SPRYD3: variants seen among roughly 807,000 people sequenced by gnomAD.
The protein encoded by SPRYD3 is SPRY domain-containing protein 3.
A neutral mutation model predicts 50.1 loss-of-function variants in SPRYD3; 17 were observed. The ratio of observed to expected loss-of-function variants is 0.34; its 90% CI spans 0.23 to 0.51. SPRYD3 has a LOEUF of 0.51. Ranked by LOEUF, SPRYD3 falls within the 20% of genes least tolerant of loss-of-function variation. SPRYD3 has a pLI of 0.97. For synonymous variants in SPRYD3, 198 were observed against 215.5 expected, an observed-to-expected ratio of 0.92 and a Z score of 0.71; for missense variants, 401 against 591.2, an observed-to-expected ratio of 0.68 and a Z score of 3.34.
chr12:53,066,141 G>C (rs970301742), intron 10 of SPRYD3, among the ~76,000 whole-genome samples, 173 bp downstream of exon 10: 4 of 152,142 alleles, frequency 2.6e-5, no homozygotes, highest in Admixed American at 6.5e-5. Context: ...CCGGAAAACA[G>C]CCTCCCAAGA....
intron 3 of SPRYD3, among the ~76,000 whole-genome samples, chr12:53,075,444 C>T (rs1278816163): frequency 2.0e-5 from 3 of 152,160 alleles, no homozygotes; most frequent in African/African-American, 4.8e-5. Context: ...ATAGGACTCA[C>T]GTCCCTATAT....
Position 53,065,762 on chromosome 12 carries a change from A to ACTGGGTGCCTGGCCC in SPRYD3, c.*69_*70insGGGCCAGGCACCCAG. 1 of 1,528,596 alleles carries ACTGGGTGCCTGGCCC rather than the reference A, an allele frequency of 6.5e-7. No homozygotes were observed. The highest frequency in any genetic ancestry group is 1.4e-5 in the African/African-American group (1 of 72,744). The allele number at this position is 1,528,596 out of a possible 1,614,324, so 94.7% of individuals were successfully genotyped here. On this transcript the variant is annotated 3_prime_UTR_variant, in exon 11 of 11. Coordinates refer to ENST00000301463, the MANE Select transcript of SPRYD3 (RefSeq NM_032840.3). The stretch of plus-strand genomic sequence containing the variant: ...CTGCTGGGTAAACGAAGCCTCTGGG[A>ACTGGGTGCCTGGCCC]AGTCAGGAACTGGGTGCCTGGCCCA...
At chr12:53,075,647 G>T in intron 3 of SPRYD3, 89 bp downstream of exon 3, 1 of 1,055,364 alleles carries the variant, frequency 9.5e-7, no homozygotes, top group South Asian at 1.3e-5. Context: ...AAAGGCCCAG[G>T]TCATACATCT....
intron 2 of SPRYD3, among the ~76,000 whole-genome samples, chr12:53,076,157 G>A (rs1478956927): frequency 6.6e-6 from 1 of 152,184 alleles, no homozygotes; most frequent in African/African-American, 2.4e-5. Context: ...TTTTCCTCTG[G>A]CTCTGTCCTC....
intron 1 of SPRYD3, among the ~76,000 whole-genome samples, chr12:53,077,511 G>A (rs1468497231): frequency 2.6e-5 from 4 of 152,210 alleles, no homozygotes; most frequent in Non-Finnish European, 5.9e-5. Context: ...GCTGGGAGGT[G>A]GACACGACAG....
chr12:53,072,337 CA>C (rs1244134356), intron 6 of SPRYD3, among the ~76,000 whole-genome samples: 1 of 152,044 alleles, frequency 6.6e-6, no homozygotes, highest in South Asian at 2.1e-4. Context: ...TCCACTCCAC[CA>C]GGGGGAGGCC....
At chr12:53,075,696 A>C in intron 3 of SPRYD3, 40 bp downstream of exon 3, 1 of 1,519,098 alleles carries the variant, frequency 6.6e-7, no homozygotes, top group Non-Finnish European at 9.1e-7. Flanking sequence ...TCTCACCCCC[A>C]AGCTCACCCC....
In SPRYD3 at chr12:53,073,427, T is replaced by TG. The variant is rs1405096698; in HGVS notation, c.551dup (p.Ala185SerfsTer9). On this transcript the variant is annotated frameshift_variant, in exon 6 of 11. Transcript: ENST00000301463. LOFTEE classifies it high-confidence loss of function. ...CACCCAGGGAGTGCATGCCCACTGC[T>TG]GGGAACAGTCCATCTGGGGACATGG... is the stretch of plus-strand genomic sequence containing the variant. 6.4e-7 allele frequency: 1 copy of TG among 1,572,252 alleles called. No individual in the cohort carries two copies. The highest frequency in any genetic ancestry group is 8.6e-7 in the Non-Finnish European group (1 of 1,158,194).
At chr12:53,079,228 C>T (rs1944613635) in intron 1 of SPRYD3, 83 bp downstream of exon 1, 4 of 1,424,172 alleles carry the variant, frequency 2.8e-6, no homozygotes, top group Admixed American at 2.0e-5. Flanking sequence ...GGCCCCAGAG[C>T]CCCCGCCCAG....
intron 2 of SPRYD3, among the ~76,000 whole-genome samples, chr12:53,076,605 T>C (rs532481449): frequency 2.0e-5 from 3 of 152,268 alleles, no homozygotes; most frequent in Admixed American, 2.0e-4. Flanking sequence ...TCCCTTCCCC[T>C]ACCCAGCTGG....
chr12:53,068,308 T>C lies in SPRYD3; in HGVS notation c.694-4A>G. On this transcript the variant is annotated splice_polypyrimidine_tract_variant and splice_region_variant and intron_variant, in intron 6 of 10. Transcript: ENST00000301463. ...CCTTCCCTAAGTACTCCAGCAGCTG[T>C]GGGGGAAGAGCCAGATGGGGGTCAG... 1 of 1,613,588 alleles carries C rather than the reference T, an allele frequency of 6.2e-7. No individual in the cohort carries two copies. The highest frequency in any genetic ancestry group is 8.5e-7 in the Non-Finnish European group (1 of 1,179,930).
Position 53,079,322 on chromosome 12 carries a change from CG to C in SPRYD3, c.11del (p.Thr4SerfsTer9). On this transcript the variant is annotated frameshift_variant, in exon 1 of 11. Coordinates refer to ENST00000301463, the MANE Select transcript of SPRYD3 (RefSeq NM_032840.3). LOFTEE classifies it high-confidence loss of function. MRR[T>X]RRPRFVLMNK... ...CGATCCCCGCCTACCGGGGCCGCCG[CG>C]TCCTCCTCATCCATAGGCCTCTCAG... 6.2e-7 allele frequency: 1 copy of C among 1,608,740 alleles called. No individual in the cohort carries two copies. Among genetic ancestry groups the C allele is most frequent in the Non-Finnish European group, 8.5e-7 (1 of 1,177,860 alleles).
At chr12:53,072,799 A>C (rs1469895016) in intron 6 of SPRYD3, among the ~76,000 whole-genome samples, 1 of 152,220 alleles carries the variant, frequency 6.6e-6, no homozygotes, top group Non-Finnish European at 1.5e-5. Flanking sequence ...ATCCTCTATC[A>C]AATGCAGGGA....
rs1457202483 is a variant in SPRYD3, at chr12:53,064,478, C to T, written c.*1354G>A. 6.6e-6 allele frequency: 1 copy of T among 152,612 alleles called. No homozygotes were observed. Among genetic ancestry groups the T allele is most frequent in the East Asian group, 1.9e-4 (1 of 5,200 alleles). The allele number at this position is 152,612 out of a possible 1,614,324, so 9.5% of individuals were successfully genotyped here. On this transcript the variant is annotated 3_prime_UTR_variant, in exon 11 of 11. Transcript: ENST00000301463. The stretch of plus-strand genomic sequence containing the variant: ...GCCAGGCCCATGGAACATATGATTC[C>T]CATCCCTGGCCCAACATTGGTCCAC...
chr12:53,066,048 C>G lies in SPRYD3; in HGVS notation c.1195-82G>C, dbSNP rs527882931. 2.7e-5 allele frequency: 41 copies of G among 1,514,640 alleles called. 2 individuals are homozygous for G. In the South Asian group the frequency reaches 4.9e-4, roughly 18 times the overall value. The allele number at this position is 1,514,640 out of a possible 1,614,324, so 93.8% of individuals were successfully genotyped here. ...GATGCTGGAGCTCCACAGGCCTGAA[C>G]CCCAATCACCCCAGCTTCCAGCGGG... On this transcript the variant is annotated intron_variant, in intron 10 of 10. Coordinates refer to ENST00000301463, the MANE Select transcript of SPRYD3 (RefSeq NM_032840.3).
chr12:53,078,153 T>C (rs1393551163), intron 1 of SPRYD3: 1 of 446,690 alleles, frequency 2.2e-6, no homozygotes, highest in East Asian at 7.1e-5. Flanking sequence ...CATTCCAGCC[T>C]GGCTGACAGA....
Position 53,074,893 on chromosome 12 carries a change from G to T in SPRYD3, c.372-109C>A. The T allele has an allele frequency of 6.9e-7, 1 of 1,449,606 alleles. No individual in the cohort carries two copies. Among genetic ancestry groups the T allele is most frequent in the Non-Finnish European group, 9.6e-7 (1 of 1,045,752 alleles). 89.8% of individuals were successfully genotyped at this position (1,449,606 alleles called of 1,614,324 possible). On this transcript the variant is annotated intron_variant, in intron 4 of 10. Coordinates refer to ENST00000301463, the MANE Select transcript of SPRYD3 (RefSeq NM_032840.3). The surrounding 1 kb of genome is among the most constrained non-coding windows in gnomAD (Gnocchi z 4.6). ...ATCTTGCTGCTCCTGGTCATTCTGT[G>T]ATGGTACCCACTTACGTCCTGGCGT... is the stretch of plus-strand genomic sequence containing the variant.
chr12:53,075,075 T>G lies in SPRYD3; in HGVS notation c.371+20A>C. 1.2e-6 allele frequency: 2 copies of G among 1,607,604 alleles called. No homozygotes were observed. The highest frequency in any genetic ancestry group is 8.5e-7 in the Non-Finnish European group (1 of 1,174,494). On this transcript the variant is annotated intron_variant, in intron 4 of 10. Coordinates refer to ENST00000301463, the MANE Select transcript of SPRYD3 (RefSeq NM_032840.3). ...CCAAATTCATAGGAAAAGGGCCGGG[T>G]TGCACAGGAGCCAACTCACTTGCCA... is the stretch of plus-strand genomic sequence containing the variant.
At chr12:53,066,544 G>A (rs1565616575) in intron 9 of SPRYD3, 29 bp downstream of exon 9, 1 of 1,613,864 alleles carries the variant, frequency 6.2e-7, no homozygotes, top group East Asian at 2.2e-5. Flanking sequence ...GCCCCAAGCA[G>A]CCTGGCTGGC....
Sources: allele counts gnomAD v4.1 joint callset (sites outside exome capture counted in the v4.1 genomes callset), GRCh38; gene constraint gnomAD v4.1.1; non-coding constraint Gnocchi (gnomAD v3.1); transcripts MANE v1.5; gene names NCBI Gene and HGNC (gene_info 2026-07-23, HGNC 2026-07-21).